The following UPF2 variants were observed in gnomAD, a reference collection of about 807,000 sequenced individuals.
UPF2 encodes UPF2 regulator of nonsense mediated mRNA decay.
In UPF2, 17 loss-of-function variants were observed where a neutral mutation model predicts 141.4. The observed-to-expected ratio is 0.12, with a 90% CI of 0.08 to 0.18. The LOEUF is 0.18. Among genes scored for constraint, UPF2 ranks in the 10% least tolerant of loss-of-function variants. The pLI is 1.00. For synonymous variants in UPF2, 540 were observed against 498.0 expected (o/e 1.08, Z -1.12); for missense variants, 1,152 against 1,515.9 (o/e 0.76, Z 3.99).
rs1240287835 is a variant in UPF2, at chr10:11,992,719, T to C, written c.1844+4953A>G. On this transcript the variant is annotated intron_variant, in intron 8 of 21. Transcript: ENST00000357604. The surrounding 1 kb of genome is among the most constrained non-coding windows in gnomAD (Gnocchi z 4.1). ...TTAAAAGAAACATACTTTCAGAATA[T>C]GTCTGAGAGTAAAATTCAATTCAAT... Among the ~76,000 whole-genome samples, 1 of 152,190 alleles carries C rather than the reference T, an allele frequency of 6.6e-6. No individual in the cohort carries two copies. The highest frequency in any genetic ancestry group is 1.5e-5 in the Non-Finnish European group (1 of 68,044).
chr10:11,929,922 C>T lies in UPF2; in HGVS notation c.3752G>A (p.Arg1251His), dbSNP rs374821084. Residue 1251 changes from arginine (R) to histidine (H), a missense_variant, in exon 21 of 22, where the codon CGC (arginine) becomes CAC (histidine). By Grantham distance (29) the Arg-to-His change is conservative. Coordinates refer to ENST00000357604, the MANE Select transcript of UPF2 (RefSeq NM_015542.4). ...PANTNRERRP[R>H]YQHPKGAPNA... Reference sequence around the variant, plus strand: ...AGGTGCTCCCTTCGGATGTTGGTAGCGAGGCCGCCTCTCACGATTGGTGTT... The same window carrying T: ...AGGTGCTCCCTTCGGATGTTGGTAGTGAGGCCGCCTCTCACGATTGGTGTT... 9 of 1,614,062 alleles carry T rather than the reference C, an allele frequency of 5.6e-6. No individual in the cohort carries two copies. The highest frequency in any genetic ancestry group is 1.1e-5 in the South Asian group (1 of 91,080).
At chr10:12,030,612 A>C (rs117891315) in intron 2 of UPF2, among the ~76,000 whole-genome samples, 9,890 of 151,842 alleles carry the variant, frequency 0.065, 556 homozygotes, top group East Asian at 0.24. Context: ...AGGCCTGGGC[A>C]GTGGCTCACG....
intron 11 of UPF2, among the ~76,000 whole-genome samples, chr10:11,962,607 T>C (rs1253453365): frequency 6.6e-6 from 1 of 152,214 alleles, no homozygotes; most frequent in African/African-American, 2.4e-5. Context: ...CTGTTCTCTC[T>C]ACCTCGGGTC....
chr10:12,022,881 A>C (rs1834342954), intron 3 of UPF2, among the ~76,000 whole-genome samples: 1 of 152,174 alleles, frequency 6.6e-6, no homozygotes, highest in Non-Finnish European at 1.5e-5. Flanking sequence ...CAATGGGCAG[A>C]CGAAAAAGTC....
chr10:11,954,496 T>A (rs1195371871), intron 14 of UPF2, among the ~76,000 whole-genome samples: 2 of 151,566 alleles, frequency 1.3e-5, no homozygotes, highest in Non-Finnish European at 2.9e-5. Context: ...TAGCCGGGTG[T>A]GGTGGAGTAC....
chr10:11,945,228 C>T (rs991207614), intron 16 of UPF2, among the ~76,000 whole-genome samples: 2 of 152,146 alleles, frequency 1.3e-5, no homozygotes, highest in Admixed American at 6.5e-5. Flanking sequence ...TTGTTAGGTG[C>T]TCAAAGTCAC....
intron 3 of UPF2, among the ~76,000 whole-genome samples, chr10:12,020,892 G>C (rs1046901018): frequency 1.3e-5 from 2 of 152,130 alleles, no homozygotes; most frequent in Non-Finnish European, 2.9e-5. Flanking sequence ...TATCCACTTT[G>C]TATGTTACAG....
rs143373553 is a variant in UPF2, at chr10:11,980,538, GC to G, written c.1845-1374del. 0.065 allele frequency among the ~76,000 whole-genome samples: 9,868 copies of G among 152,118 alleles called. 533 individuals are homozygous for G. Among genetic ancestry groups the G allele is most frequent in the South Asian group, 0.24 (1,132 of 4,808 alleles). ...AGGCAGGCAGATCACCTGGAGACCA[GC>G]CTGGCCAATATGGTGAAACCCCATC... is the stretch of plus-strand genomic sequence containing the variant. On this transcript the variant is annotated intron_variant, in intron 8 of 21. Transcript: ENST00000357604. This position sits in a 1 kb window ranked among gnomAD's most constrained non-coding sequence, Gnocchi z 4.2.
chr10:11,977,116 G>T (rs1279759345), intron 9 of UPF2, among the ~76,000 whole-genome samples: 1 of 152,208 alleles, frequency 6.6e-6, no homozygotes, highest in Non-Finnish European at 1.5e-5. Flanking sequence ...GTGCTGCTAT[G>T]ATGGTGAATC....
intron 1 of UPF2, among the ~76,000 whole-genome samples, chr10:12,036,881 C>T (rs1427602502): frequency 2.6e-5 from 4 of 152,150 alleles, no homozygotes; most frequent in South Asian, 2.1e-4. Context: ...TAAAATTAGA[C>T]GGGTATGGTG....
At chr10:11,964,556 G>A (rs991657261) in intron 10 of UPF2, among the ~76,000 whole-genome samples, 3 of 152,002 alleles carry the variant, frequency 2.0e-5, no homozygotes, top group East Asian at 1.9e-4. Context: ...AATCATTTAC[G>A]CGTATTTCTA....
chr10:11,932,596 G>A (rs1832796382), intron 19 of UPF2, among the ~76,000 whole-genome samples: 1 of 152,088 alleles, frequency 6.6e-6, no homozygotes, highest in South Asian at 2.1e-4. Context: ...TAAATACGGG[G>A]AAATGAAGAG....
At chr10:12,022,647 G>C (rs1220757321) in intron 3 of UPF2, among the ~76,000 whole-genome samples, 1 of 152,034 alleles carries the variant, frequency 6.6e-6, no homozygotes, top group Non-Finnish European at 1.5e-5. Flanking sequence ...AAAGTACAGA[G>C]AAGTAACATC....
chr10:11,951,991 T>C (rs1833080946), intron 15 of UPF2, 75 bp downstream of exon 15: 2 of 1,458,532 alleles, frequency 1.4e-6, no homozygotes, highest in Non-Finnish European at 1.9e-6. Flanking sequence ...CTCTGACTGG[T>C]AACATTATAA....
chr10:11,987,595 TA>T (rs1008910173), intron 8 of UPF2, among the ~76,000 whole-genome samples: 31 of 151,118 alleles, frequency 2.1e-4, no homozygotes, highest in African/African-American at 6.6e-4. Flanking sequence ...CCGTCTCTAC[TA>T]AAAAAATATA....
intron 8 of UPF2, among the ~76,000 whole-genome samples, chr10:11,986,407 CAA>C (rs141921300): frequency 0.011 from 1,666 of 152,128 alleles, 34 homozygotes; most frequent in African/African-American, 0.038. Flanking sequence ...CAAGCAGAAA[CAA>C]GAGCAGAAAC....
intron 19 of UPF2, among the ~76,000 whole-genome samples, chr10:11,932,347 TAATAA>T (rs1832792954): frequency 6.6e-6 from 1 of 152,072 alleles, no homozygotes; most frequent in Non-Finnish European, 1.5e-5. Flanking sequence ...CTAATCACAA[TAATAA>T]AATAGTATAA....
chr10:11,985,970 C>T (rs1339629102), intron 8 of UPF2, among the ~76,000 whole-genome samples: 3 of 147,456 alleles, frequency 2.0e-5, no homozygotes, highest in Non-Finnish European at 4.5e-5. Flanking sequence ...CTGTAAGCTC[C>T]GCCTCCCGGG....
chr10:12,005,063 G>T (rs1262227364), intron 4 of UPF2, among the ~76,000 whole-genome samples: 1 of 150,906 alleles, frequency 6.6e-6, no homozygotes, highest in Admixed American at 6.6e-5. Context: ...TATAAGCCTG[G>T]CCACTCCTAA....
Sources: gnomAD v4.1 joint callset for allele counts (sites outside exome capture counted in the v4.1 genomes callset) on GRCh38, gnomAD v4.1.1 for gene constraint, Gnocchi (gnomAD v3.1) non-coding constraint, MANE v1.5 for transcripts, NCBI Gene and HGNC (gene_info 2026-07-23, HGNC 2026-07-21) for gene names.